Variants in GRAMD1B observed in about 807,000 individuals in gnomAD.
GRAMD1B encodes the protein GRAM domain containing 1B.
A neutral mutation model predicts 99.7 loss-of-function variants in GRAMD1B; 37 were observed. The observed-to-expected ratio is 0.37, with a 90% CI of 0.29 to 0.49. The LOEUF is 0.49. Ranked by LOEUF, GRAMD1B falls within the 20% of genes least tolerant of loss-of-function variation. GRAMD1B has a pLI of 0.98. For missense variants in GRAMD1B, 888 were observed against 1,009.2 expected (o/e 0.88, Z 1.63); for synonymous variants, 427 against 387.6 (o/e 1.10, Z -1.19).
chr11:123,367,273 T>G (rs548861383), intron 1 of GRAMD1B, among the ~76,000 whole-genome samples: 34 of 152,284 alleles, frequency 2.2e-4, no homozygotes, highest in Non-Finnish European at 4.1e-4. Context: ...TAATTCTTTC[T>G]TCATATAGCT....
intron 1 of GRAMD1B, among the ~76,000 whole-genome samples, chr11:123,393,246 A>C (rs1947342133): frequency 6.6e-6 from 1 of 152,186 alleles, no homozygotes; most frequent in Non-Finnish European, 1.5e-5. Flanking sequence ...GGGAGAACCA[A>C]ATGCCAGTTA....
chr11:123,480,790 G>C (rs963848136), intron 1 of GRAMD1B, 26 bp from the exon 2 acceptor site: 1 of 398,816 alleles, frequency 2.5e-6, no homozygotes, highest in Admixed American at 4.4e-5. Flanking sequence ...TGAAGTTAAC[G>C]GTTGATATCC....
At chr11:123,576,141 G>A (rs76707623) in intron 2 of GRAMD1B, among the ~76,000 whole-genome samples, 133 of 152,272 alleles carry the variant, frequency 8.7e-4, no homozygotes, top group African/African-American at 3.1e-3. Flanking sequence ...GCTGAAAGGG[G>A]CATGGTTTTC....
rs574662071 is a variant in GRAMD1B at position 123,589,037 on chromosome 11, G to A, written c.684+4705G>A. Among the ~76,000 whole-genome samples the A allele has an allele frequency of 5.5e-4, 83 of 151,956 alleles. No homozygotes were observed. The South Asian group carries it at 0.012, about 22-fold the overall frequency. Reference sequence around the variant, plus strand: ...AATAATTTTATGCACAAAGAAAAGTGCTGACTGTGTTCCATTCCTACAAAC... The same window carrying A: ...AATAATTTTATGCACAAAGAAAAGTACTGACTGTGTTCCATTCCTACAAAC... On this transcript the variant is annotated intron_variant, in intron 4 of 19. Transcript: ENST00000635736.
At chr11:123,611,289 G>T (rs1048654009) in intron 14 of GRAMD1B, among the ~76,000 whole-genome samples, 2 of 151,986 alleles carry the variant, frequency 1.3e-5, no homozygotes, top group Non-Finnish European at 2.9e-5. Flanking sequence ...ATAAAAGTTC[G>T]CCAGGAGTGG....
chr11:123,437,810 C>T (rs538168401), intron 1 of GRAMD1B, among the ~76,000 whole-genome samples: 1 of 152,310 alleles, frequency 6.6e-6, no homozygotes, highest in East Asian at 1.9e-4. Flanking sequence ...CTTCCTCTGA[C>T]CTTTGGAGGG....
At chr11:123,422,800 A>C (rs1375743381) in intron 1 of GRAMD1B, among the ~76,000 whole-genome samples, 2 of 152,150 alleles carry the variant, frequency 1.3e-5, no homozygotes, top group African/African-American at 4.8e-5. Context: ...CTCACGTTCA[A>C]ACCTTGACTA....
At chr11:123,490,086 A>G (rs537198692) in intron 2 of GRAMD1B, among the ~76,000 whole-genome samples, 2 of 152,336 alleles carry the variant, frequency 1.3e-5, no homozygotes, top group African/African-American at 2.4e-5. Context: ...AAAGAGCACT[A>G]TGTACTGGGA....
chr11:123,403,742 C>T (rs1947755859), intron 1 of GRAMD1B, among the ~76,000 whole-genome samples: 1 of 151,810 alleles, frequency 6.6e-6, no homozygotes, highest in African/African-American at 2.4e-5. Context: ...GGGGGTTTCG[C>T]TACGTTGGTG....
chr11:123,438,116 A>G, intron 1 of GRAMD1B, among the ~76,000 whole-genome samples: 1 of 152,240 alleles, frequency 6.6e-6, no homozygotes. Flanking sequence ...CCTTGAGGGC[A>G]GGGACCGGTC....
intron 2 of GRAMD1B, among the ~76,000 whole-genome samples, chr11:123,520,776 CA>C (rs11219185): frequency 0.37 from 38,249 of 102,980 alleles, 4,153 homozygotes; most frequent in South Asian, 0.49. Context: ...GAGACCCTGT[CA>C]AAAAAAAAAA....
intron 16 of GRAMD1B, among the ~76,000 whole-genome samples, chr11:123,614,354 C>T (rs1359117700): frequency 6.6e-6 from 1 of 152,204 alleles, no homozygotes; most frequent in African/African-American, 2.4e-5. Context: ...AGTAAACTGA[C>T]TCTCAGAGAG....
chr11:123,549,496 C>T (rs1428871791), intron 2 of GRAMD1B, among the ~76,000 whole-genome samples: 4 of 151,832 alleles, frequency 2.6e-5, no homozygotes, highest in Non-Finnish European at 5.9e-5. Context: ...GAGCCGAGAT[C>T]GTGCCACTGC....
At chr11:123,373,594 G>A (rs897911025) in intron 1 of GRAMD1B, among the ~76,000 whole-genome samples, 5 of 152,228 alleles carry the variant, frequency 3.3e-5, no homozygotes, top group Non-Finnish European at 7.3e-5. Context: ...CATAGTGGAA[G>A]AGGATAAAAC....
At chr11:123,463,295 G>T (rs1950523404) in intron 1 of GRAMD1B, among the ~76,000 whole-genome samples, 1 of 152,234 alleles carries the variant, frequency 6.6e-6, no homozygotes, top group Non-Finnish European at 1.5e-5. Flanking sequence ...TTACAGGCAT[G>T]AGCCACCGTG....
At chr11:123,409,915 G>A (rs533748618) in intron 1 of GRAMD1B, among the ~76,000 whole-genome samples, 9 of 152,250 alleles carry the variant, frequency 5.9e-5, no homozygotes, top group African/African-American at 1.7e-4. Context: ...CTTTAGTGGC[G>A]AACAATAGTT....
At chr11:123,599,499 G>A in intron 7 of GRAMD1B, 1 of 565,634 alleles carries the variant, frequency 1.8e-6, no homozygotes, top group Non-Finnish European at 3.4e-6. Flanking sequence ...TTGAGGCGCA[G>A]TCTCACTCTG....
At chr11:123,429,260 A>C (rs1209696775), upstream of GRAMD1B, among the ~76,000 whole-genome samples, 1 of 152,142 alleles carries the variant, frequency 6.6e-6, no homozygotes, top group Non-Finnish European at 1.5e-5. This position sits in a 1 kb window ranked among gnomAD's most constrained non-coding sequence, Gnocchi z 4.0. Context: ...GGGTTGAAGG[A>C]GGAGAATGGC....
rs1490617333 is a variant in GRAMD1B at position 123,591,568 on chromosome 11, G to A, written c.685-2514G>A. ...TGAGTGTGTGACTCAGTTTCTCTGA[G>A]TCTCTGTGGTAGTTCTGCACCCTTG... On this transcript the variant is annotated intron_variant, in intron 4 of 19. Coordinates refer to ENST00000635736, the MANE Select transcript of GRAMD1B (RefSeq NM_001387025.1). The surrounding 1 kb of genome is among the most constrained non-coding windows in gnomAD (Gnocchi z 4.7). The A allele has an allele frequency of 2.5e-6, 1 of 398,586 alleles. No individual in the cohort carries two copies. The highest frequency in any genetic ancestry group is 4.4e-6 in the Non-Finnish European group (1 of 226,072). The allele number at this position is 398,586 out of a possible 1,614,324, so 24.7% of individuals were successfully genotyped here.
Sources: allele counts gnomAD v4.1 joint callset (sites outside exome capture counted in the v4.1 genomes callset), GRCh38; gene constraint gnomAD v4.1.1; non-coding constraint Gnocchi (gnomAD v3.1); transcripts MANE v1.5; gene names NCBI Gene and HGNC (gene_info 2026-07-23, HGNC 2026-07-21).